SNAPC2: variants seen among roughly 807,000 people sequenced by gnomAD.
SNAPC2 encodes the protein snRNA-activating protein complex subunit 2.
Under a neutral mutation model 22.9 loss-of-function variants are expected in SNAPC2, and 27 were observed. That is an observed-to-expected ratio of 1.18 (90% CI 0.87 to 1.63). The LOEUF is 1.63. Among genes scored for constraint, SNAPC2 ranks in the 40% most tolerant of loss-of-function variants. The probability of loss-of-function intolerance (pLI) is 0.00; values close to 1 mark genes in which losing one functional copy is unlikely to be tolerated. For missense variants in SNAPC2, 570 were observed against 449.1 expected, an observed-to-expected ratio of 1.27 and a Z score of -2.43; for synonymous variants, 272 against 201.0, an observed-to-expected ratio of 1.35 and a Z score of -2.99.
chr19:7,921,710 G>A lies in SNAPC2; in HGVS notation c.309G>A (p.Trp103Ter), dbSNP rs769651513. ...GTACCTCTGGCTTCACTCAGGTCTG[G>A]ACGGATCTGGCTGAGAAGATAACAG... ...EAQPPAPIEV[W>*]TDLAEKITGP... is the part of the protein sequence containing the mutation. The change falls in exon 3 of 5, where the codon TGG becomes TGA. Residue 103 changes from tryptophan to a stop codon, truncating the protein, a stop_gained. Transcript: ENST00000221573. LOFTEE classifies it high-confidence loss of function. 4 of 1,613,606 alleles carry A rather than the reference G, an allele frequency of 2.5e-6. No individual in the cohort carries two copies. In the South Asian group the frequency reaches 3.3e-5, roughly 13 times the overall value.
Position 7,920,431 on chromosome 19 carries a change from C to A in SNAPC2, c.65C>A (p.Ala22Glu). The A allele has an allele frequency of 6.4e-7, 1 of 1,572,690 alleles. No individual in the cohort carries two copies. Among genetic ancestry groups the A allele is most frequent in the Non-Finnish European group, 8.6e-7 (1 of 1,167,988 alleles). ...TATCTGGGCGAGGTGACCGGTCCCGCGACCTGGAGCGCTCGCGAGAAGCGG... is the reference window on the plus strand; with the variant it reads ...TATCTGGGCGAGGTGACCGGTCCCGAGACCTGGAGCGCTCGCGAGAAGCGG... The part of the protein sequence containing the change: ...ARYLGEVTGP[A>E]TWSAREKRQL... The change falls in exon 1 of 5, where the codon GCG (alanine) becomes GAG (glutamate). Residue 22 changes from alanine to glutamate, a missense_variant. By Grantham distance (107) the Ala-to-Glu change is moderately radical. Transcript: ENST00000221573.
Position 7,922,298 on chromosome 19 carries a change from C to T in SNAPC2, c.636C>T (p.Tyr212=), listed in dbSNP as rs199732008. 2 of 1,613,970 alleles carry T rather than the reference C, an allele frequency of 1.2e-6. No individual in the cohort carries two copies. The highest frequency in any genetic ancestry group is 2.2e-5 in the East Asian group (1 of 44,878). The change falls in exon 4 of 5, where the codon TAC becomes TAT. Residue 212 remains tyrosine, a synonymous_variant. Coordinates refer to ENST00000221573, the MANE Select transcript of SNAPC2 (RefSeq NM_003083.4). ...FAVDFEKIYK[Y]LSSVSRSGRS... ...TGGACTTTGAGAAGATCTACAAGTA[C>T]TTGTCCTCTGTCTCCCGAAGTGGCC...
Position 7,922,035 on chromosome 19 carries a change from G to A in SNAPC2, c.373G>A (p.Val125Met), listed in dbSNP as rs975739511. The A allele has an allele frequency of 1.9e-6, 3 of 1,605,536 alleles. No individual in the cohort carries two copies. Among genetic ancestry groups the A allele is most frequent in the Middle Eastern group, 1.7e-4 (1 of 6,010 alleles). ...EEALAVAFSQ[V>M]LTIAATEPVT... ...CCTCCCTGATTGTTCTGCCTGCCAGGTGCTCACCATCGCGGCCACGGAACC... is the reference window on the plus strand; with the variant it reads ...CCTCCCTGATTGTTCTGCCTGCCAGATGCTCACCATCGCGGCCACGGAACC... Residue 125 changes from valine (V) to methionine (M), a missense_variant and splice_region_variant, in exon 4 of 5, where the codon GTG becomes ATG. Val to Met is a conservative substitution (Grantham distance 21). Coordinates refer to ENST00000221573, the MANE Select transcript of SNAPC2 (RefSeq NM_003083.4).
chr19:7,921,828 G>T, intron 3 of SNAPC2, 55 bp downstream of exon 3: 1 of 1,559,242 alleles, frequency 6.4e-7, no homozygotes, highest in Non-Finnish European at 8.8e-7. Flanking sequence ...GGTCACATGG[G>T]CCAAATCATG....
intron 1 of SNAPC2, 43 bp downstream of exon 1, chr19:7,920,592 GC>G (rs913063761): frequency 7.0e-5 from 77 of 1,102,308 alleles, no homozygotes; most frequent in Non-Finnish European, 8.7e-5. Context: ...TGGAGGCGGG[GC>G]TGGGGTGGGG....
intron 2 of SNAPC2, 40 bp downstream of exon 2, chr19:7,921,582 C>T (rs1311366568): frequency 3.7e-6 from 6 of 1,604,040 alleles, no homozygotes; most frequent in Non-Finnish European, 5.1e-6. Flanking sequence ...CAGGGCAGGT[C>T]CCTGGTGGGT....
intron 1 of SNAPC2, chr19:7,920,763 C>A: frequency 5.5e-6 from 1 of 180,750 alleles, no homozygotes; most frequent in Non-Finnish European, 8.6e-6. Flanking sequence ...AGGGGCGGGG[C>A]GAGCTTGGGA....
In SNAPC2 at chr19:7,922,299, T is replaced by C; in HGVS notation, c.637T>C (p.Leu213=). 4 of 1,613,902 alleles carry C rather than the reference T, an allele frequency of 2.5e-6. No individual in the cohort carries two copies. The highest frequency in any genetic ancestry group is 3.4e-6 in the Non-Finnish European group (4 of 1,179,998). The change falls in exon 4 of 5, where the codon TTG becomes CTG. Residue 213 remains leucine (L), a synonymous_variant. Coordinates refer to ENST00000221573, the MANE Select transcript of SNAPC2 (RefSeq NM_003083.4). ...AVDFEKIYKY[L]SSVSRSGRSP... is the part of the protein sequence containing the mutation. ...GGACTTTGAGAAGATCTACAAGTAC[T>C]TGTCCTCTGTCTCCCGAAGTGGCCG... is the stretch of plus-strand genomic sequence containing the variant.
Position 7,922,736 on chromosome 19 carries a change from T to TG in SNAPC2, c.980dup (p.Arg328SerfsTer35). 1 of 1,595,148 alleles carries TG rather than the reference T, an allele frequency of 6.3e-7. No homozygotes were observed. The highest frequency in any genetic ancestry group is 8.6e-7 in the Non-Finnish European group (1 of 1,166,504). ...CCGTTCCTGGTGCCCCTGGAGCTTCTGGGTCGGGCAGCCACCCCTGCCAGG... is the reference window on the plus strand; with the variant it reads ...CCGTTCCTGGTGCCCCTGGAGCTTCTGGGGTCGGGCAGCCACCCCTGCCAGG... On this transcript the variant is annotated frameshift_variant, in exon 5 of 5. Transcript: ENST00000221573. LOFTEE classifies it high-confidence loss of function.
At chr19:7,921,002 G>C (rs936914673) in intron 1 of SNAPC2, 10 of 1,134,284 alleles carry the variant, frequency 8.8e-6, no homozygotes, top group Non-Finnish European at 9.8e-6. Flanking sequence ...GGCGGGGCGA[G>C]CCTCGGGGTA....
rs1568289765 is a variant in SNAPC2 at position 7,922,650 on chromosome 19, G to C, written c.891G>C (p.Glu297Asp). The change falls in exon 5 of 5, where the codon GAG becomes GAC. Residue 297 changes from glutamate to aspartate, a missense_variant. Transcript: ENST00000221573. ...KAPEETPPAT[E>D]KAEHSELKSP... ...CAGAGGAGACCCCCCCAGCCACCGA[G>C]AAGGCCGAGCACAGCGAACTGAAAT... 1 of 1,613,706 alleles carries C rather than the reference G, an allele frequency of 6.2e-7. No individual in the cohort carries two copies. Among genetic ancestry groups the C allele is most frequent in the Non-Finnish European group, 8.5e-7 (1 of 1,179,964 alleles).
Position 7,920,994 on chromosome 19 carries a change from C to T in SNAPC2, c.184-429C>T, listed in dbSNP as rs911882863. On this transcript the variant is annotated intron_variant, in intron 1 of 4. Transcript: ENST00000221573. The stretch of plus-strand genomic sequence containing the variant: ...GCGGGATGAGGGCAAGCTTTAAAGG[C>T]GGGGCGAGCCTCGGGGTAATGCGTG... 8.9e-6 allele frequency: 10 copies of T among 1,123,996 alleles called. No homozygotes were observed. The African/African-American group carries it at 1.2e-4, about 13-fold the overall frequency. The allele number at this position is 1,123,996 out of a possible 1,614,324, so 69.6% of individuals were successfully genotyped here. A position where few individuals can be genotyped will look rare whatever the true frequency, so the allele number is the denominator to read the frequency against.
chr19:7,921,030 G>A (rs901569402), intron 1 of SNAPC2: 12 of 1,154,096 alleles, frequency 1.0e-5, no homozygotes, highest in Non-Finnish European at 1.3e-5. Context: ...GGTGAGGCGA[G>A]GGCTAAACGG....
chr19:7,921,281 T>G, intron 1 of SNAPC2, 142 bp from the exon 2 acceptor site: 1 of 1,463,676 alleles, frequency 6.8e-7, no homozygotes, highest in South Asian at 1.3e-5. Flanking sequence ...GCCTTGGCAG[T>G]CACTGGGACT....
Position 7,922,570 on chromosome 19 carries a change from G to T in SNAPC2, c.811G>T (p.Ala271Ser). The change falls in exon 5 of 5, where the codon GCT becomes TCT. Residue 271 changes from alanine (A) to serine (S), a missense_variant. Ala to Ser is a moderately conservative substitution (Grantham distance 99). Transcript: ENST00000221573. ...CCTGACAGCCCCCCAGCCCATTCCC[G>T]CTGGAGGGAGCCTGGGGCCTGCAGC... ...LRLTAPQPIP[A>S]GGSLGPAAEG... The T allele has an allele frequency of 6.2e-7, 1 of 1,613,444 alleles. No homozygotes were observed. Among genetic ancestry groups the T allele is most frequent in the Non-Finnish European group, 8.5e-7 (1 of 1,179,838 alleles).
rs10413093 is a variant in SNAPC2, at chr19:7,923,112, C to T, written c.*348C>T. 3,900 of 276,336 alleles carry T rather than the reference C, an allele frequency of 0.014. 138 individuals are homozygous for T. The highest frequency in any genetic ancestry group is 0.077 in the African/African-American group (3,490 of 45,336). The allele number at this position is 276,336 out of a possible 1,614,324, so 17.1% of individuals were successfully genotyped here. On this transcript the variant is annotated 3_prime_UTR_variant, in exon 5 of 5. Transcript: ENST00000221573. ...ACCGTAAAGGCCCTCGCACATTTTC[C>T]CCCTTCCTGTACACCTCGGGGCCAG...
Position 7,922,332 on chromosome 19 carries a change from G to A in SNAPC2, c.670G>A (p.Glu224Lys), listed in dbSNP as rs765236121. The A allele has an allele frequency of 1.1e-5, 17 of 1,613,250 alleles. No individual in the cohort carries two copies. Among genetic ancestry groups the A allele is most frequent in the East Asian group, 4.5e-5 (2 of 44,864 alleles). ...SSVSRSGRSPELSAAESAVVL... is the reference protein window; with the variant it reads ...SSVSRSGRSPKLSAAESAVVL... ...TGTCTCCCGAAGTGGCCGCAGCCCC[G>A]AGCTCTCAGCAGCTGGTGAGAAGGG... The change falls in exon 4 of 5, where the codon GAG becomes AAG. Residue 224 changes from glutamate to lysine, a missense_variant. Coordinates refer to ENST00000221573, the MANE Select transcript of SNAPC2 (RefSeq NM_003083.4).
Position 7,921,753 on chromosome 19 carries a change from C to G in SNAPC2, c.352C>G (p.Leu118Val), listed in dbSNP as rs475002. 860,219 of 1,612,168 alleles carry G rather than the reference C, an allele frequency of 0.53. 233,988 individuals are homozygous for G. Among genetic ancestry groups the G allele is most frequent in the Non-Finnish European group, 0.57 (667,106 of 1,178,900 alleles). The change falls in exon 3 of 5, where the codon CTG becomes GTG. Residue 118 changes from leucine to valine, a missense_variant. Coordinates refer to ENST00000221573, the MANE Select transcript of SNAPC2 (RefSeq NM_003083.4). ...GATAACAGGGCCACTGGAAGAAGCC[C>G]TGGCAGTGGCTTTCTCGCAGGTACC... Reference protein sequence around the residue: ...EKITGPLEEALAVAFSQVLTI... With the variant: ...EKITGPLEEAVAVAFSQVLTI...
rs199925610 is a variant in SNAPC2, at chr19:7,922,699, T to C, written c.940T>C (p.Cys314Arg). The C allele has an allele frequency of 6.2e-7, 1 of 1,612,406 alleles. No homozygotes were observed. Among genetic ancestry groups the C allele is most frequent in the Non-Finnish European group, 8.5e-7 (1 of 1,179,484 alleles). Residue 314 changes from cysteine (C) to arginine (R), a missense_variant, in exon 5 of 5, where the codon TGT (cysteine) becomes CGT (arginine). Cys to Arg is a radical substitution (Grantham distance 180, BLOSUM62 -3). Transcript: ENST00000221573. The stretch of plus-strand genomic sequence containing the variant: ...ATCGCCTTGGCAAGCAGCTGGGATC[T>C]GTCCCCTGAACCCGTTCCTGGTGCC... ...LKSPWQAAGI[C>R]PLNPFLVPLE...
Sources: allele counts gnomAD v4.1 joint callset, GRCh38; gene constraint gnomAD v4.1.1; transcripts MANE v1.5; gene names NCBI Gene and HGNC (gene_info 2026-07-23, HGNC 2026-07-21).